Variants in SPAG1 observed in about 807,000 individuals in gnomAD.
The protein encoded by SPAG1 is sperm associated antigen 1, also known as sperm-associated antigen 1.
Under a neutral mutation model 100.5 loss-of-function variants are expected in SPAG1, and 69 were observed. That is an observed-to-expected ratio of 0.69 (90% CI 0.57 to 0.84). SPAG1 has a LOEUF of 0.84. Among genes scored for constraint, SPAG1 ranks in the 40% least tolerant of loss-of-function variants. The pLI is 0.00. For synonymous variants in SPAG1, 336 were observed against 411.6 expected (o/e 0.82, Z 2.22); for missense variants, 955 against 1,133.1 (o/e 0.84, Z 2.26).
rs111430204 is a variant in SPAG1 at position 100,241,031 on chromosome 8, A to G, written c.*9A>G. ...GGCAGTATGAGCTTTAAATCAAGATAATTGTTAGATTTCTTCCATGCATGT... is the reference window on the plus strand; with the variant it reads ...GGCAGTATGAGCTTTAAATCAAGATGATTGTTAGATTTCTTCCATGCATGT... On this transcript the variant is annotated 3_prime_UTR_variant, in exon 19 of 19. Coordinates refer to ENST00000388798, the MANE Select transcript of SPAG1 (RefSeq NM_003114.5). This position sits in a 1 kb window ranked among gnomAD's most constrained non-coding sequence, Gnocchi z 5.1. The G allele has an allele frequency of 2.5e-6, 4 of 1,608,786 alleles. No homozygotes were observed. The African/African-American group carries it at 4.0e-5, about 16-fold the overall frequency.
chr8:100,220,488 C>T (rs1253007071), intron 13 of SPAG1, 57 bp downstream of exon 13: 20 of 1,415,992 alleles, frequency 1.4e-5, no homozygotes, highest in Non-Finnish European at 1.7e-5. Context: ...TTTTTCCCTT[C>T]CCCTCCTTCA....
rs1819171675 is a variant in SPAG1 at position 100,239,773 on chromosome 8, C to G, written c.2280+369C>G. 6.6e-6 allele frequency among the ~76,000 whole-genome samples: 1 copy of G among 152,218 alleles called. No homozygotes were observed. The highest frequency in any genetic ancestry group is 1.5e-5 in the Non-Finnish European group (1 of 68,044). On this transcript the variant is annotated intron_variant, in intron 17 of 18. Transcript: ENST00000388798. The surrounding 1 kb of genome is among the most constrained non-coding windows in gnomAD (Gnocchi z 5.0). Reference sequence around the variant, plus strand: ...GTTACAGGGGCCCTGAAAGCCTCACCTCATAGAGATTATCCAGATTGATTC... The same window carrying G: ...GTTACAGGGGCCCTGAAAGCCTCACGTCATAGAGATTATCCAGATTGATTC...
intron 3 of SPAG1, among the ~76,000 whole-genome samples, chr8:100,167,774 A>C (rs1815631499): frequency 6.6e-6 from 1 of 152,218 alleles, no homozygotes; most frequent in Non-Finnish European, 1.5e-5. Flanking sequence ...TATGATACAG[A>C]ACATTTCCAT....
intron 10 of SPAG1, among the ~76,000 whole-genome samples, chr8:100,209,437 AAAG>A (rs1172777323): frequency 2.0e-5 from 3 of 149,596 alleles, no homozygotes; most frequent in South Asian, 2.1e-4. Context: ...AAAAAAAAAA[AAAG>A]AAGAAGAAAA....
chr8:100,160,543 C>T (rs1237367444), intron 1 of SPAG1, among the ~76,000 whole-genome samples: 2 of 149,868 alleles, frequency 1.3e-5, no homozygotes, highest in African/African-American at 4.9e-5. Context: ...AGGAGAATCG[C>T]TTGAACCCAG....
At chr8:100,204,762 C>A (rs1027504081) in intron 10 of SPAG1, among the ~76,000 whole-genome samples, 1 of 152,134 alleles carries the variant, frequency 6.6e-6, no homozygotes, top group Non-Finnish European at 1.5e-5. Context: ...GAGGGGAGCA[C>A]CTGCATCTTT....
intron 10 of SPAG1, among the ~76,000 whole-genome samples, chr8:100,198,714 T>C (rs780861625): frequency 6.6e-6 from 1 of 152,226 alleles, no homozygotes. Context: ...TGTACAACTA[T>C]CACCACGATC....
At chr8:100,222,862 T>A (rs1818343685) in intron 13 of SPAG1, among the ~76,000 whole-genome samples, 1 of 152,230 alleles carries the variant, frequency 6.6e-6, no homozygotes. Context: ...CACTTCTTTC[T>A]AGTTCCAAAA....
intron 1 of SPAG1, among the ~76,000 whole-genome samples, chr8:100,161,295 T>C (rs1372377515): frequency 2.6e-5 from 4 of 152,094 alleles, no homozygotes; most frequent in Admixed American, 2.0e-4. Context: ...TGACCCACGA[T>C]TGCACCACTG....
At chr8:100,229,175 A>C (rs1405823337) in intron 14 of SPAG1, among the ~76,000 whole-genome samples, 1 of 152,190 alleles carries the variant, frequency 6.6e-6, no homozygotes, top group Admixed American at 6.5e-5. Flanking sequence ...TGGGAGGCCG[A>C]GGCAGCACTT....
At chr8:100,193,945 GT>G (rs528245973) in intron 9 of SPAG1, among the ~76,000 whole-genome samples, 166 bp from the exon 10 acceptor site, 89 of 149,350 alleles carry the variant, frequency 6.0e-4, no homozygotes, top group South Asian at 3.6e-3. Flanking sequence ...GTGTGTGTGT[GT>G]TTTTTTTTTA....
intron 14 of SPAG1, among the ~76,000 whole-genome samples, 162 bp downstream of exon 14, chr8:100,225,501 G>A (rs1818469070): frequency 6.6e-6 from 1 of 152,136 alleles, no homozygotes; most frequent in South Asian, 2.1e-4. Flanking sequence ...ACAGGGTCTT[G>A]CTCTGTTGCC....
intron 1 of SPAG1, among the ~76,000 whole-genome samples, chr8:100,161,706 AG>A (rs1297956546): frequency 1.3e-5 from 2 of 152,196 alleles, no homozygotes; most frequent in South Asian, 2.1e-4. Context: ...AGACAAGATA[AG>A]GGTAATTGCC....
At chr8:100,193,790 A>G (rs957898704) in intron 9 of SPAG1, among the ~76,000 whole-genome samples, 2 of 152,186 alleles carry the variant, frequency 1.3e-5, no homozygotes, top group African/African-American at 4.8e-5. Flanking sequence ...GCATGATTTC[A>G]TTTGTGTAAA....
rs1243093557 is a variant in SPAG1, at chr8:100,239,325, TAAC to T, written c.2202_2204del (p.Thr735del). 1.3e-6 allele frequency: 2 copies of T among 1,578,178 alleles called. No homozygotes were observed. Among genetic ancestry groups the T allele is most frequent in the African/African-American group, 1.4e-5 (1 of 72,834 alleles). On this transcript the variant is annotated inframe_deletion, in exon 17 of 19. Coordinates refer to ENST00000388798, the MANE Select transcript of SPAG1 (RefSeq NM_003114.5). This position sits in a 1 kb window ranked among gnomAD's most constrained non-coding sequence, Gnocchi z 5.0. ...GAGGCAAAGATGGAACTGGAAGAGG[TAAC>T]TAGACTCCTTAATCTTAAGGATAAG...
At position 100,184,706 on chromosome 8, in the gene SPAG1, A is replaced by G; in HGVS notation, c.674A>G (p.Tyr225Cys). 3.8e-6 allele frequency: 6 copies of G among 1,588,504 alleles called. No individual in the cohort carries two copies. The highest frequency in any genetic ancestry group is 5.1e-6 in the Non-Finnish European group (6 of 1,171,730). Residue 225 changes from tyrosine to cysteine, a missense_variant, in exon 7 of 19, where the codon TAT (tyrosine) becomes TGT (cysteine). Physicochemically the swap from Tyr to Cys is radical, Grantham distance 194. Transcript: ENST00000388798. Reference protein sequence around the residue: ...KGNEAFNSGDYEEAVMYYTRS... With the variant: ...KGNEAFNSGDCEEAVMYYTRS... ...AATGAAGCTTTCAACTCAGGAGATT[A>G]TGAAGAAGCAGTGATGTATTATACC...
rs139198082 is a variant in SPAG1 at position 100,235,436 on chromosome 8, A to G, written c.2115+1899A>G. 7.8e-4 allele frequency among the ~76,000 whole-genome samples: 118 copies of G among 152,236 alleles called. 1 individual carries two copies. The highest frequency in any genetic ancestry group is 2.7e-3 in the African/African-American group (111 of 41,542). On this transcript the variant is annotated intron_variant, in intron 16 of 18. Transcript: ENST00000388798. ...TATGGTAAAGTTGACATAGCAGTCA[A>G]ATGTCTAGGGGAAGTGATGGAGGGG...
chr8:100,201,894 T>A (rs1435019255), intron 10 of SPAG1, among the ~76,000 whole-genome samples: 1 of 152,170 alleles, frequency 6.6e-6, no homozygotes, highest in Non-Finnish European at 1.5e-5. Flanking sequence ...TCCTTTGTAA[T>A]AAGCCATTAA....
At chr8:100,166,506 C>A (rs1031232741) in intron 3 of SPAG1, among the ~76,000 whole-genome samples, 1 of 152,202 alleles carries the variant, frequency 6.6e-6, no homozygotes, top group Non-Finnish European at 1.5e-5. Flanking sequence ...ATCCACCCAC[C>A]TCGGCCTCCC....
Sources: allele counts gnomAD v4.1 joint callset (sites outside exome capture counted in the v4.1 genomes callset), GRCh38; gene constraint gnomAD v4.1.1; non-coding constraint Gnocchi (gnomAD v3.1); transcripts MANE v1.5; gene names NCBI Gene and HGNC (gene_info 2026-07-23, HGNC 2026-07-21).